The following IL1R2 variants were observed in gnomAD, a reference collection of about 807,000 sequenced individuals.
The protein encoded by IL1R2 is interleukin-1 receptor type 2.
Under a neutral mutation model 39.5 loss-of-function variants are expected in IL1R2, and 46 were observed. That is an observed-to-expected ratio of 1.16 (90% confidence interval 0.92 to 1.49). IL1R2 has a LOEUF of 1.49. IL1R2 is among the 40% of genes most tolerant of loss of function. The pLI, the probability that IL1R2 is intolerant of heterozygous loss-of-function variation, is 0.00. For synonymous variants in IL1R2, 207 were observed against 189.6 expected, an observed-to-expected ratio of 1.09 and a Z score of -0.75; for missense variants, 537 against 502.0, an observed-to-expected ratio of 1.07 and a Z score of -0.67.
intron 1 of IL1R2, among the ~76,000 whole-genome samples, chr2:102,006,317 T>C (rs1265470295): frequency 6.6e-6 from 1 of 152,224 alleles, no homozygotes; most frequent in African/African-American, 2.4e-5. Flanking sequence ...TCACAGGAAC[T>C]ATTTGTGCTT....
intron 1 of IL1R2, among the ~76,000 whole-genome samples, chr2:102,006,247 C>T (rs1198578061): frequency 3.3e-5 from 5 of 152,128 alleles, no homozygotes; most frequent in African/African-American, 1.2e-4. Flanking sequence ...GACACAGCAG[C>T]TTGGTGGATG....
At chr2:102,027,951 C>A (rs922311521) in intron 8 of IL1R2, among the ~76,000 whole-genome samples, 2 of 152,248 alleles carry the variant, frequency 1.3e-5, no homozygotes, top group African/African-American at 4.8e-5. Context: ...CAGTGTCCCA[C>A]TGTTGGAACA....
intron 1 of IL1R2, among the ~76,000 whole-genome samples, chr2:102,008,076 T>C (rs1306727112): frequency 6.6e-6 from 1 of 151,836 alleles, no homozygotes; most frequent in Non-Finnish European, 1.5e-5. Flanking sequence ...CCACAGAGAA[T>C]GACAGGGAAG....
At chr2:102,007,518 A>G (rs1676341735) in intron 1 of IL1R2, among the ~76,000 whole-genome samples, 1 of 152,236 alleles carries the variant, frequency 6.6e-6, no homozygotes, top group Non-Finnish European at 1.5e-5. Context: ...TGTGAATAAG[A>G]TAAAGCAGGG....
In IL1R2 at chr2:102,009,559, C is replaced by T; in HGVS notation, c.68-3C>T. 6.2e-7 allele frequency: 1 copy of T among 1,613,448 alleles called. No homozygotes were observed. Among genetic ancestry groups the T allele is most frequent in the Non-Finnish European group, 8.5e-7 (1 of 1,179,622 alleles). Reference sequence around the variant, plus strand: ...GCCTGACCATGGGCTCTCTGTCCTTCAGGGGCTGCCAGAAGCTGCCGGTTT... The same window carrying T: ...GCCTGACCATGGGCTCTCTGTCCTTTAGGGGCTGCCAGAAGCTGCCGGTTT... On this transcript the variant is annotated splice_polypyrimidine_tract_variant and splice_region_variant and intron_variant, in intron 2 of 8. Transcript: ENST00000332549.
At chr2:101,996,017 T>C (rs1009393772) in intron 1 of IL1R2, among the ~76,000 whole-genome samples, 1 of 152,146 alleles carries the variant, frequency 6.6e-6, no homozygotes, top group African/African-American at 2.4e-5. Flanking sequence ...GCCTGCACCA[T>C]GCAGGAGAGA....
In IL1R2 at chr2:102,026,151, T is replaced by A; in HGVS notation, c.928T>A (p.Leu310Met). Residue 310 changes from leucine to methionine, a missense_variant, in exon 8 of 9, where the codon TTG becomes ATG. Coordinates refer to ENST00000332549, the MANE Select transcript of IL1R2 (RefSeq NM_004633.4). ...ENNENYIEVP[L>M]IFDPVTREDL... ...TAATGAGAACTACATTGAAGTGCCA[T>A]TGATTTTTGATCCTGTCACAAGAGA... The A allele has an allele frequency of 6.2e-7, 1 of 1,610,300 alleles. No homozygotes were observed. The highest frequency in any genetic ancestry group is 1.1e-5 in the South Asian group (1 of 90,702).
At chr2:102,020,590 T>A (rs1677317096) in intron 5 of IL1R2, among the ~76,000 whole-genome samples, 1 of 152,272 alleles carries the variant, frequency 6.6e-6, no homozygotes. Flanking sequence ...AAGGGGAAAA[T>A]ATATTTTTCT....
At position 102,012,660 on chromosome 2, in the gene IL1R2, T is replaced by C. The variant is rs1021525204; in HGVS notation, c.332+2834T>C. ...CAACTATAAGCAATTTAGGGACAGG[T>C]TTAATCCTGTCAATGAACCTTGCCT... On this transcript the variant is annotated intron_variant, in intron 3 of 8. Transcript: ENST00000332549. 7.8e-4 allele frequency among the ~76,000 whole-genome samples: 118 copies of C among 152,166 alleles called. 2 individuals are homozygous for C. The highest frequency in any genetic ancestry group is 7.7e-3 in the Admixed American group (117 of 15,272).
intron 3 of IL1R2, among the ~76,000 whole-genome samples, chr2:102,012,483 G>A (rs573561931): frequency 2.6e-5 from 4 of 152,306 alleles, no homozygotes; most frequent in Non-Finnish European, 4.4e-5. Context: ...GGCTGGGTGT[G>A]TGTGTGGCAG....
At chr2:101,999,812 G>C (rs1675759864) in intron 1 of IL1R2, among the ~76,000 whole-genome samples, 1 of 152,182 alleles carries the variant, frequency 6.6e-6, no homozygotes, top group South Asian at 2.1e-4. Flanking sequence ...CCTTGAAGAT[G>C]TATACGTGTG....
At chr2:102,012,523 G>A (rs1346321818) in intron 3 of IL1R2, among the ~76,000 whole-genome samples, 1 of 151,178 alleles carries the variant, frequency 6.6e-6, no homozygotes, top group Non-Finnish European at 1.5e-5. Context: ...GAGATATGAG[G>A]TAGAGGGTGC....
chr2:102,023,812 C>T (rs908636839), intron 6 of IL1R2, among the ~76,000 whole-genome samples: 1 of 152,066 alleles, frequency 6.6e-6, no homozygotes, highest in East Asian at 1.9e-4. Context: ...CTTTGGGAGG[C>T]CGAGGCAGGT....
intron 1 of IL1R2, among the ~76,000 whole-genome samples, chr2:101,992,926 G>C (rs1390745405): frequency 6.6e-6 from 1 of 152,156 alleles, no homozygotes; most frequent in African/African-American, 2.4e-5. Flanking sequence ...AGCATTACTT[G>C]ATATTTCTGG....
intron 4 of IL1R2, 78 bp downstream of exon 4, chr2:102,016,129 C>A: frequency 8.6e-7 from 1 of 1,163,088 alleles, no homozygotes; most frequent in African/African-American, 1.5e-5. Flanking sequence ...CTTAAAATAT[C>A]GATTTTCTGA....
intron 5 of IL1R2, chr2:102,021,935 T>C: frequency 2.1e-6 from 1 of 479,814 alleles, no homozygotes; most frequent in Non-Finnish European, 3.8e-6. Flanking sequence ...GAGCAAGGAC[T>C]GAAGACCTCC....
chr2:102,025,115 T>C (rs1677651751), intron 7 of IL1R2, among the ~76,000 whole-genome samples: 1 of 152,174 alleles, frequency 6.6e-6, no homozygotes, highest in Non-Finnish European at 1.5e-5. Context: ...GGGAGGTTAA[T>C]AATTAAAAAA....
chr2:102,019,924 G>A (rs770505794), intron 5 of IL1R2, 112 bp downstream of exon 5: 84 of 855,242 alleles, frequency 9.8e-5, no homozygotes, highest in Non-Finnish European at 1.4e-4. Flanking sequence ...GAAGGATAAC[G>A]GAAAACAGAT....
At position 102,016,042 on chromosome 2, in the gene IL1R2, A is replaced by G; in HGVS notation, c.504A>G (p.Gln168=). The change falls in exon 4 of 9, where the codon CAA becomes CAG. Residue 168 remains glutamine (Q), a synonymous_variant. Transcript: ENST00000332549. ...FTRDKTDVKI[Q]WYKDSLLLDK... ...GTGACAAAACTGACGTGAAGATTCA[A>G]TGGTACAAGGTACGGCTTTAAAAAA... The G allele has an allele frequency of 3.1e-6, 5 of 1,613,246 alleles. No homozygotes were observed. Among genetic ancestry groups the G allele is most frequent in the Non-Finnish European group, 4.2e-6 (5 of 1,179,366 alleles).
Sources: allele counts gnomAD v4.1 joint callset (sites outside exome capture counted in the v4.1 genomes callset), GRCh38; gene constraint gnomAD v4.1.1; transcripts MANE v1.5; gene names NCBI Gene and HGNC (gene_info 2026-07-23, HGNC 2026-07-21).